The following INPP5A variants were observed in gnomAD, a reference collection of about 807,000 sequenced individuals.
INPP5A encodes the protein 43 kDa inositol polyphosphate 5-phophatase.
INPP5A carries 14 observed loss-of-function variants against 65.2 expected under a neutral mutation model. The ratio of observed to expected loss-of-function variants is 0.21; its 90% CI spans 0.14 to 0.34. The LOEUF is 0.34. Ranked by LOEUF, INPP5A falls within the 10% of genes least tolerant of loss-of-function variation. INPP5A has a pLI of 1.00. For missense variants in INPP5A, 431 were observed against 545.6 expected (o/e 0.79, Z 2.09); for synonymous variants, 207 against 208.3 (o/e 0.99, Z 0.05).
intron 8 of INPP5A, among the ~76,000 whole-genome samples, chr10:132,711,675 G>A (rs933586608): frequency 6.6e-6 from 1 of 152,254 alleles, no homozygotes; most frequent in Non-Finnish European, 1.5e-5. Context: ...CCAGCAGCTG[G>A]CATCCTCAGA....
Position 132,741,400 on chromosome 10 carries a change from G to A in INPP5A, c.733-8117G>A, listed in dbSNP as rs185737163. On this transcript the variant is annotated intron_variant, in intron 9 of 15. Transcript: ENST00000368594. This position sits in a 1 kb window ranked among gnomAD's most constrained non-coding sequence, Gnocchi z 4.4. The stretch of plus-strand genomic sequence containing the variant: ...TGGTTCCTGCTGGACAAACACTGCA[G>A]GTTCACACCACGGGAACTTCTCGGC... Among the ~76,000 whole-genome samples, 280 of 152,316 alleles carry A rather than the reference G, an allele frequency of 1.8e-3. 3 individuals are homozygous for A. Among genetic ancestry groups the A allele is most frequent in the African/African-American group, 6.0e-3 (248 of 41,562 alleles).
At chr10:132,729,809 G>A (rs931493915) in intron 9 of INPP5A, among the ~76,000 whole-genome samples, 2 of 152,198 alleles carry the variant, frequency 1.3e-5, no homozygotes, top group Non-Finnish European at 2.9e-5. Flanking sequence ...AAACTACAGA[G>A]GACGGGAATT....
chr10:132,573,362 G>T (rs1186390535), intron 1 of INPP5A, among the ~76,000 whole-genome samples: 2 of 138,216 alleles, frequency 1.4e-5, no homozygotes, highest in African/African-American at 5.7e-5. Context: ...TGATGTTGAG[G>T]TGTGTGTGCC....
At position 132,621,291 on chromosome 10, in the gene INPP5A, A is replaced by G. The variant is rs116056903; in HGVS notation, c.117+13335A>G. Among the ~76,000 whole-genome samples, 1,494 of 152,338 alleles carry G rather than the reference A, an allele frequency of 9.8e-3. 29 individuals carry two copies. Among genetic ancestry groups the G allele is most frequent in the African/African-American group, 0.034 (1,412 of 41,566 alleles). On this transcript the variant is annotated intron_variant, in intron 2 of 15. Transcript: ENST00000368594. The stretch of plus-strand genomic sequence containing the variant: ...ACTTAGCCAGCACAATAGGGCAAGA[A>G]AGTGTGAACACACCATATTGGAGAC...
In INPP5A at chr10:132,546,957, C is replaced by A. The variant is rs2070982072; in HGVS notation, c.75+8786C>A. ...CCTGGTTAGCAGGCTGTGTCATCTG[C>A]CGCAGACAGCCTTCCTTTCTGCGTC... On this transcript the variant is annotated intron_variant, in intron 1 of 15. Coordinates refer to ENST00000368594, the MANE Select transcript of INPP5A (RefSeq NM_005539.5). This position sits in a 1 kb window ranked among gnomAD's most constrained non-coding sequence, Gnocchi z 5.7. Among the ~76,000 whole-genome samples the A allele has an allele frequency of 6.6e-6, 1 of 152,222 alleles. No individual in the cohort carries two copies. The highest frequency in any genetic ancestry group is 1.5e-5 in the Non-Finnish European group (1 of 68,040).
At chr10:132,754,533 C>T (rs559876565) in intron 11 of INPP5A, among the ~76,000 whole-genome samples, 47 of 152,352 alleles carry the variant, frequency 3.1e-4, no homozygotes, top group African/African-American at 1.0e-3. Context: ...CCCCTCCACC[C>T]CTGGCTCCAG....
At chr10:132,593,438 T>C (rs1268042501) in intron 1 of INPP5A, among the ~76,000 whole-genome samples, 1 of 152,266 alleles carries the variant, frequency 6.6e-6, no homozygotes, top group Non-Finnish European at 1.5e-5. Context: ...TCTCCATCAT[T>C]CTTCCTTTCC....
In INPP5A at chr10:132,545,494, C is replaced by T. The variant is rs1264835702; in HGVS notation, c.75+7323C>T. 6.6e-6 allele frequency among the ~76,000 whole-genome samples: 1 copy of T among 152,206 alleles called. No individual in the cohort carries two copies. The highest frequency in any genetic ancestry group is 2.4e-5 in the African/African-American group (1 of 41,458). The stretch of plus-strand genomic sequence containing the variant: ...GCGGAGGAGGGTGGGCATCTCTCCA[C>T]ATGCCACTCTGTGCCCCACTGCCCC... On this transcript the variant is annotated intron_variant, in intron 1 of 15. Coordinates refer to ENST00000368594, the MANE Select transcript of INPP5A (RefSeq NM_005539.5). This position sits in a 1 kb window ranked among gnomAD's most constrained non-coding sequence, Gnocchi z 4.6.
At chr10:132,684,733 G>T (rs971705904) in intron 4 of INPP5A, among the ~76,000 whole-genome samples, 2 of 152,230 alleles carry the variant, frequency 1.3e-5, no homozygotes, top group Non-Finnish European at 2.9e-5. Context: ...GGAACGTCAG[G>T]CTTGGCCTCT....
At chr10:132,681,927 A>G (rs559152145) in intron 4 of INPP5A, among the ~76,000 whole-genome samples, 7 of 152,362 alleles carry the variant, frequency 4.6e-5, no homozygotes, top group Admixed American at 6.5e-5. Context: ...TGCCAAGTCA[A>G]GCCTGTCACA....
Position 132,635,983 on chromosome 10 carries a change from C to CAAAA in INPP5A, c.118-9870_118-9867dup, listed in dbSNP as rs202003054. 5.4e-3 allele frequency among the ~76,000 whole-genome samples: 265 copies of CAAAA among 49,242 alleles called. 4 individuals carry two copies. Among genetic ancestry groups the CAAAA allele is most frequent in the African/African-American group, 0.016 (255 of 16,322 alleles). The allele number at this position is 49,242 out of a possible 152,430, so 32.3% of individuals were successfully genotyped here. A position where few individuals can be genotyped will look rare whatever the true frequency, so the allele number is the denominator to read the frequency against. On this transcript the variant is annotated intron_variant, in intron 2 of 15. Coordinates refer to ENST00000368594, the MANE Select transcript of INPP5A (RefSeq NM_005539.5). ...ACAGAGCGAAATCCTATCTCAAAGA[C>CAAAA]AAAAAAAAAAAAAAAAAAGGCATAT...
At chr10:132,596,503 C>G (rs530007986) in intron 1 of INPP5A, among the ~76,000 whole-genome samples, 1 of 151,582 alleles carries the variant, frequency 6.6e-6, no homozygotes, top group South Asian at 2.1e-4. Context: ...TCTCAGCTCA[C>G]TGCAACCTCC....
At chr10:132,687,503 G>A (rs566966333) in intron 4 of INPP5A, among the ~76,000 whole-genome samples, 7 of 152,210 alleles carry the variant, frequency 4.6e-5, no homozygotes, top group African/African-American at 9.7e-5. Context: ...TGGCTTTCCC[G>A]TGGAGGCAGA....
rs887760533 is a variant in INPP5A, at chr10:132,706,066, G to A, written c.475-2247G>A. ...AAACAAGAAAAGGGAATATGAAGAG[G>A]AGCCTGTAGAAACATTAAACATTCT... is the stretch of plus-strand genomic sequence containing the variant. On this transcript the variant is annotated intron_variant, in intron 6 of 15. Coordinates refer to ENST00000368594, the MANE Select transcript of INPP5A (RefSeq NM_005539.5). The surrounding 1 kb of genome is among the most constrained non-coding windows in gnomAD (Gnocchi z 4.7). Among the ~76,000 whole-genome samples the A allele has an allele frequency of 6.6e-6, 1 of 152,146 alleles. No homozygotes were observed. Among genetic ancestry groups the A allele is most frequent in the Non-Finnish European group, 1.5e-5 (1 of 68,038 alleles).
rs950318213 is a variant in INPP5A, at chr10:132,650,658, T to C, written c.306+153T>C. ...CCTGGCACTCCCGCAGCCTGCTTGG[T>C]GGTCTGCTCGTGGTCTGAGCCCATG... On this transcript the variant is annotated intron_variant, in intron 4 of 15. Coordinates refer to ENST00000368594, the MANE Select transcript of INPP5A (RefSeq NM_005539.5). The surrounding 1 kb of genome is among the most constrained non-coding windows in gnomAD (Gnocchi z 5.5). Among the ~76,000 whole-genome samples the C allele has an allele frequency of 3.3e-5, 5 of 152,120 alleles. No homozygotes were observed. The highest frequency in any genetic ancestry group is 1.2e-4 in the African/African-American group (5 of 41,438).
intron 13 of INPP5A, among the ~76,000 whole-genome samples, chr10:132,778,302 ATTTTTTTTTTTTTTT>A (rs57172206): frequency 1.4e-5 from 1 of 72,958 alleles, no homozygotes; most frequent in Non-Finnish European, 2.3e-5. Context: ...TTTAATAATA[ATTTTTTTTTTTTTTT>A]TTTTTTTTTT....
chr10:132,594,550 C>T (rs766418909), intron 1 of INPP5A, among the ~76,000 whole-genome samples: 6 of 150,292 alleles, frequency 4.0e-5, no homozygotes, highest in South Asian at 2.1e-4. Context: ...GTGGTGCATG[C>T]GTGTGTAGGT....
intron 1 of INPP5A, among the ~76,000 whole-genome samples, chr10:132,593,600 C>CG (rs1415289590): frequency 1.3e-5 from 2 of 152,126 alleles, no homozygotes; most frequent in Non-Finnish European, 2.9e-5. Context: ...TGACTGGGGT[C>CG]GGGGGGTAGT....
Position 132,586,813 on chromosome 10 carries a change from G to A in INPP5A, c.76-21102G>A, listed in dbSNP as rs577407046. On this transcript the variant is annotated intron_variant, in intron 1 of 15. Coordinates refer to ENST00000368594, the MANE Select transcript of INPP5A (RefSeq NM_005539.5). ...GTTGAACAGAGAAAGAAACATGCAT[G>A]CATGTCAGGAGGCGGCGCAGCGCGG... 2.1e-3 allele frequency among the ~76,000 whole-genome samples: 319 copies of A among 152,364 alleles called. 2 individuals carry two copies. The highest frequency in any genetic ancestry group is 6.9e-3 in the African/African-American group (289 of 41,590).
Sources: allele counts gnomAD v4.1 joint callset (sites outside exome capture counted in the v4.1 genomes callset), GRCh38; gene constraint gnomAD v4.1.1; non-coding constraint Gnocchi (gnomAD v3.1); transcripts MANE v1.5; gene names NCBI Gene and HGNC (gene_info 2026-07-23, HGNC 2026-07-21).